Variants in DNAH9 observed in about 807,000 individuals in gnomAD.
The protein encoded by DNAH9 is dynein axonemal heavy chain 9.
DNAH9 carries 345 observed loss-of-function variants against 471.6 expected under a neutral mutation model. That is an observed-to-expected ratio of 0.73 (90% CI 0.67 to 0.80). The LOEUF is 0.80. Ranked by LOEUF, DNAH9 falls within the 30% of genes least tolerant of loss-of-function variation. DNAH9 has a pLI of 0.00. For synonymous variants in DNAH9, 2,093 were observed against 2,123.6 expected, an observed-to-expected ratio of 0.99 and a Z score of 0.40; for missense variants, 5,407 against 5,609.2, an observed-to-expected ratio of 0.96 and a Z score of 1.15.
Position 11,742,296 on chromosome 17 carries a change from G to A in DNAH9, c.6094G>A (p.Glu2032Lys), listed in dbSNP as rs772325637. 2.5e-6 allele frequency: 4 copies of A among 1,614,138 alleles called. No individual in the cohort carries two copies. The highest frequency in any genetic ancestry group is 2.2e-5 in the South Asian group (2 of 91,070). ...CATCACTCTTTACCAGTTGTGCAAAGAGCTTCTCTCCAAACAGGTAGGATC... is the reference window on the plus strand; with the variant it reads ...CATCACTCTTTACCAGTTGTGCAAAAAGCTTCTCTCCAAACAGGTAGGATC... ...KFITLYQLCK[E>K]LLSKQDHYDW... The change falls in exon 30 of 69, where the codon GAG (glutamate) becomes AAG (lysine). Residue 2032 changes from glutamate (E) to lysine (K), a missense_variant. Around this residue, in one of 3 missense-constraint regions of DNAH9, gnomAD observed 4,636 missense variants for 4,900.3 expected, o/e 0.95. Transcript: ENST00000262442.
intron 56 of DNAH9, among the ~76,000 whole-genome samples, chr17:11,886,276 A>G (rs928961489): frequency 6.6e-6 from 1 of 152,178 alleles, no homozygotes; most frequent in Non-Finnish European, 1.5e-5. Flanking sequence ...GTGAGCCAAG[A>G]TCGTGCCATT....
chr17:11,740,495 G>A (rs1337786234), intron 29 of DNAH9, among the ~76,000 whole-genome samples: 1 of 152,074 alleles, frequency 6.6e-6, no homozygotes, highest in Non-Finnish European at 1.5e-5. Flanking sequence ...AGCTCTCTGG[G>A]TAGCGCTCCA....
chr17:11,792,988 G>A (rs1000273925), intron 41 of DNAH9, among the ~76,000 whole-genome samples: 25 of 152,202 alleles, frequency 1.6e-4, no homozygotes, highest in African/African-American at 6.0e-4. Flanking sequence ...CTAGTCCAAT[G>A]CTGGCTTCAA....
At chr17:11,769,563 A>G (rs140026881) in intron 38 of DNAH9, among the ~76,000 whole-genome samples, 5 of 152,318 alleles carry the variant, frequency 3.3e-5, no homozygotes, top group Non-Finnish European at 7.4e-5. Context: ...TGGTCTGTTA[A>G]ATTCCTCAAG....
intron 6 of DNAH9, among the ~76,000 whole-genome samples, chr17:11,624,827 C>G (rs556205847): frequency 3.9e-5 from 6 of 152,192 alleles, no homozygotes; most frequent in Non-Finnish European, 7.4e-5. Context: ...ACACTCTGTT[C>G]TACTTTTGTA....
chr17:11,690,565 TC>T (rs1477832135), intron 20 of DNAH9, 129 bp downstream of exon 20: 8 of 829,170 alleles, frequency 9.6e-6, no homozygotes, highest in Non-Finnish European at 1.3e-5. Flanking sequence ...TAAAGGCACT[TC>T]CCACAGATGC....
intron 14 of DNAH9, among the ~76,000 whole-genome samples, chr17:11,659,873 C>T (rs2073724218): frequency 6.6e-6 from 1 of 152,328 alleles, no homozygotes; most frequent in Non-Finnish European, 1.5e-5. Context: ...TTTGATTCTG[C>T]TGGACTTCGT....
chr17:11,849,905 G>C (rs1160418053), intron 49 of DNAH9, among the ~76,000 whole-genome samples: 1 of 152,002 alleles, frequency 6.6e-6, no homozygotes, highest in Non-Finnish European at 1.5e-5. Context: ...CACACATATT[G>C]ATTCATTCAT....
At chr17:11,600,341 T>G (rs2072359093) in intron 1 of DNAH9, among the ~76,000 whole-genome samples, 1 of 144,768 alleles carries the variant, frequency 6.9e-6, no homozygotes, top group East Asian at 1.9e-4. Flanking sequence ...AGAATTTGTA[T>G]AAGTAGAGAG....
intron 5 of DNAH9, among the ~76,000 whole-genome samples, chr17:11,618,774 C>A (rs930932484): frequency 1.3e-5 from 2 of 152,056 alleles, no homozygotes; most frequent in African/African-American, 4.8e-5. Flanking sequence ...ATCAAATAAA[C>A]CCTGCAAGGT....
intron 26 of DNAH9, among the ~76,000 whole-genome samples, chr17:11,718,500 T>A (rs547354972): frequency 3.8e-4 from 58 of 152,374 alleles, no homozygotes; most frequent in African/African-American, 1.4e-3. Context: ...TCATATGGTA[T>A]GCTTTATTAC....
chr17:11,968,489 T>C (rs940469740), intron 68 of DNAH9, among the ~76,000 whole-genome samples: 8 of 152,360 alleles, frequency 5.3e-5, no homozygotes, highest in Non-Finnish European at 1.2e-4. Context: ...ACTAGTGCTA[T>C]GGGAAATGAA....
chr17:11,762,770 G>GTTTGTTTGTTTTTTTTT (rs1193246497), intron 35 of DNAH9, among the ~76,000 whole-genome samples: 11 of 90,794 alleles, frequency 1.2e-4, no homozygotes, highest in Non-Finnish European at 1.7e-4. Context: ...TTTTTTTTTT[G>GTTTGTTTGTTTTTTTTT]TTTTTTTTTT....
At chr17:11,640,190 A>G (rs2073243601) in intron 9 of DNAH9, 80 bp from the exon 10 acceptor site, 2 of 779,564 alleles carry the variant, frequency 2.6e-6, no homozygotes, top group Admixed American at 2.4e-5. Flanking sequence ...AAAGTGGAGT[A>G]CTTGGTGGGA....
intron 68 of DNAH9, among the ~76,000 whole-genome samples, chr17:11,967,370 G>T (rs189870876): frequency 2.2e-3 from 340 of 152,144 alleles, no homozygotes; most frequent in Middle Eastern, 6.8e-3. Flanking sequence ...GCCTCCCAGG[G>T]TGCTGAGATT....
intron 50 of DNAH9, among the ~76,000 whole-genome samples, chr17:11,865,828 T>C (rs1436188123): frequency 6.6e-6 from 1 of 152,272 alleles, no homozygotes; most frequent in African/African-American, 2.4e-5. Flanking sequence ...CTGAGGCTTC[T>C]GCATTCTTCA....
At chr17:11,843,841 TTGTGTGTG>T (rs370150805) in intron 49 of DNAH9, among the ~76,000 whole-genome samples, 5 of 69,846 alleles carry the variant, frequency 7.2e-5, no homozygotes, top group Non-Finnish European at 1.4e-4. Context: ...GTATATGTGT[TTGTGTGTG>T]TGTGTGTGTG....
At chr17:11,735,588 A>G (rs1156402385) in intron 28 of DNAH9, among the ~76,000 whole-genome samples, 1 of 151,998 alleles carries the variant, frequency 6.6e-6, no homozygotes, top group Non-Finnish European at 1.5e-5. Context: ...GGCATGTGCC[A>G]CCAGGCCTGG....
intron 7 of DNAH9, chr17:11,630,606 T>G (rs2073048672): frequency 6.6e-6 from 1 of 152,148 alleles, no homozygotes; most frequent in South Asian, 2.1e-4. Context: ...ATGCGGGGCT[T>G]AAAACCTAGA....
Sources: allele counts gnomAD v4.1 joint callset (sites outside exome capture counted in the v4.1 genomes callset), GRCh38; gene constraint gnomAD v4.1.1; regional missense constraint gnomAD v4.1.1; transcripts MANE v1.5; gene names NCBI Gene and HGNC (gene_info 2026-07-23, HGNC 2026-07-21).